TMEM71: variants seen among roughly 807,000 people sequenced by gnomAD.
TMEM71 encodes the protein transmembrane protein 71.
A neutral mutation model predicts 38.0 loss-of-function variants in TMEM71; 44 were observed. The ratio of observed to expected loss-of-function variants is 1.16; its 90% CI spans 0.91 to 1.49. The LOEUF is 1.49. Ranked by LOEUF, TMEM71 falls within the 40% of genes most tolerant of loss-of-function variation. The pLI, the probability that TMEM71 is intolerant of heterozygous loss-of-function variation, is 0.00. For synonymous variants in TMEM71, 133 were observed against 122.5 expected (o/e 1.09, Z -0.56); for missense variants, 367 against 348.6 (o/e 1.05, Z -0.42).
intron 3 of TMEM71, among the ~76,000 whole-genome samples, chr8:132,753,494 C>G (rs919160230): frequency 6.6e-6 from 1 of 152,140 alleles, no homozygotes; most frequent in Admixed American, 6.5e-5. Flanking sequence ...ATGTCTGCAG[C>G]CCCACCAAAT....
At chr8:132,725,919 C>T (rs974257835) in intron 6 of TMEM71, among the ~76,000 whole-genome samples, 11 of 152,158 alleles carry the variant, frequency 7.2e-5, no homozygotes. Flanking sequence ...GCAAAGAGTA[C>T]AAAGGTTAAC....
chr8:132,758,700 T>C (rs1829168402), intron 2 of TMEM71, 140 bp downstream of exon 2: 2 of 682,360 alleles, frequency 2.9e-6, no homozygotes, highest in Non-Finnish European at 2.6e-6. Context: ...ATTGCCAAAG[T>C]GAACACTGGC....
At chr8:132,711,653 AG>A (rs1826243804) in intron 9 of TMEM71, among the ~76,000 whole-genome samples, 1 of 152,200 alleles carries the variant, frequency 6.6e-6, no homozygotes, top group Non-Finnish European at 1.5e-5. Flanking sequence ...TTCATTTGCA[AG>A]GGACACTCAG....
At chr8:132,772,773 G>T in the TMEM71 span, among the ~76,000 whole-genome samples, 1 of 152,050 alleles carries the variant, frequency 6.6e-6, no homozygotes, top group Non-Finnish European at 1.5e-5. Flanking sequence ...ATTCATCCAT[G>T]TATCACAGAA....
chr8:132,710,987 AT>A lies in TMEM71; in HGVS notation c.873-6del. On this transcript the variant is annotated splice_polypyrimidine_tract_variant and splice_region_variant and intron_variant, in intron 9 of 9. Transcript: ENST00000677595. ...GGTTGTCAAATTTTGACAAACCTAG[AT>A]TGGAGAAATAAGAAAAGAAATGCAT... The A allele has an allele frequency of 6.2e-7, 1 of 1,607,204 alleles. No individual in the cohort carries two copies. The highest frequency in any genetic ancestry group is 8.5e-7 in the Non-Finnish European group (1 of 1,177,936).
chr8:132,765,413 T>C (rs548776637), upstream of TMEM71, among the ~76,000 whole-genome samples: 1 of 152,266 alleles, frequency 6.6e-6, no homozygotes, highest in Admixed American at 6.5e-5. Flanking sequence ...GGAGAGGGTG[T>C]GGCTCTGCAG....
At chr8:132,745,672 A>G (rs765377003) in intron 5 of TMEM71, among the ~76,000 whole-genome samples, 22 of 152,164 alleles carry the variant, frequency 1.4e-4, no homozygotes, top group Non-Finnish European at 2.5e-4. Flanking sequence ...ATTACTATGT[A>G]TATATCCAAG....
chr8:132,734,365 G>A (rs1337227783), intron 5 of TMEM71, among the ~76,000 whole-genome samples: 3 of 152,260 alleles, frequency 2.0e-5, no homozygotes, highest in East Asian at 3.9e-4. Context: ...AAAAAAAGAG[G>A]AGGCTAGCTG....
intron 5 of TMEM71, among the ~76,000 whole-genome samples, chr8:132,730,360 G>T (rs1827386389): frequency 6.6e-6 from 1 of 152,174 alleles, no homozygotes; most frequent in Non-Finnish European, 1.5e-5. Flanking sequence ...AAAGCTCTCT[G>T]TGGAAACACA....
chr8:132,757,880 A>G (rs1408217882), intron 2 of TMEM71: 2 of 152,094 alleles, frequency 1.3e-5, no homozygotes, highest in African/African-American at 2.4e-5. Context: ...ATAATAAATC[A>G]TTAGCATCAA....
chr8:132,766,036 A>G, the TMEM71 span, among the ~76,000 whole-genome samples: 1 of 152,002 alleles, frequency 6.6e-6, no homozygotes, highest in African/African-American at 2.4e-5. Flanking sequence ...CACCTGCCTC[A>G]GCCTCCCAAA....
intron 9 of TMEM71, among the ~76,000 whole-genome samples, chr8:132,711,917 G>A (rs1435748863): frequency 6.6e-6 from 1 of 151,924 alleles, no homozygotes; most frequent in Non-Finnish European, 1.5e-5. Context: ...TGTTAGAGGA[G>A]ACTTATGAGT....
intron 5 of TMEM71, among the ~76,000 whole-genome samples, chr8:132,729,604 A>G (rs1015512124): frequency 6.6e-6 from 1 of 152,362 alleles, no homozygotes; most frequent in Non-Finnish European, 1.5e-5. Flanking sequence ...GCTCAAAAGA[A>G]GGAAATATTC....
chr8:132,772,489 G>C, the TMEM71 span, among the ~76,000 whole-genome samples: 5 of 152,108 alleles, frequency 3.3e-5, no homozygotes, highest in Non-Finnish European at 5.9e-5. Context: ...CTAGAATTTT[G>C]TATATCCTGT....
intron 5 of TMEM71, among the ~76,000 whole-genome samples, chr8:132,730,616 G>A (rs1000805910): frequency 4.6e-5 from 7 of 152,148 alleles, no homozygotes; most frequent in Non-Finnish European, 1.0e-4. Context: ...TTACCTTGGG[G>A]AAACTCTGAA....
chr8:132,710,895 G>C lies in TMEM71; in HGVS notation c.*72C>G, dbSNP rs1383719474. ...CTTCCAATAAAACACTTGATTCCAAGTAGACTGCAAGTTGGACAATTTCCA... is the reference window on the plus strand; with the variant it reads ...CTTCCAATAAAACACTTGATTCCAACTAGACTGCAAGTTGGACAATTTCCA... On this transcript the variant is annotated 3_prime_UTR_variant, in exon 10 of 10. Transcript: ENST00000677595. 4.9e-6 allele frequency: 7 copies of C among 1,421,466 alleles called. No homozygotes were observed. Among genetic ancestry groups the C allele is most frequent in the Non-Finnish European group, 6.9e-6 (7 of 1,007,606 alleles). 88.1% of individuals were successfully genotyped at this position (1,421,466 alleles called of 1,614,324 possible).
At chr8:132,771,700 A>G in the TMEM71 span, among the ~76,000 whole-genome samples, 1 of 152,092 alleles carries the variant, frequency 6.6e-6, no homozygotes, top group African/African-American at 2.4e-5. Context: ...ACACCCTATC[A>G]TCCTTAGAGT....
At chr8:132,735,544 C>T (rs553787195) in intron 5 of TMEM71, among the ~76,000 whole-genome samples, 38 of 152,206 alleles carry the variant, frequency 2.5e-4, no homozygotes, top group South Asian at 2.5e-3. Flanking sequence ...GTTCTGTGTG[C>T]GCCCAGGTTG....
chr8:132,762,952 G>T (rs1340806882), upstream of TMEM71, among the ~76,000 whole-genome samples: 1 of 152,172 alleles, frequency 6.6e-6, no homozygotes, highest in Non-Finnish European at 1.5e-5. Flanking sequence ...TTTCAAAATT[G>T]CCAATGGCCA....
Sources: allele counts gnomAD v4.1 joint callset (sites outside exome capture counted in the v4.1 genomes callset), GRCh38; gene constraint gnomAD v4.1.1; transcripts MANE v1.5; gene names NCBI Gene and HGNC (gene_info 2026-07-23, HGNC 2026-07-21).